The following DNAH5 variants were observed in gnomAD, a reference collection of about 807,000 sequenced individuals.
DNAH5 encodes the protein dynein axonemal heavy chain 5.
DNAH5 carries 372 observed loss-of-function variants against 518.2 expected under a neutral mutation model. That is an observed-to-expected ratio of 0.72 (90% CI 0.66 to 0.78). The LOEUF (loss-of-function observed/expected upper bound fraction) is 0.78, where lower values mean the gene tolerates loss of function less well. Among genes scored for constraint, DNAH5 ranks in the 30% least tolerant of loss-of-function variants. The pLI is 0.00. For synonymous variants in DNAH5, 2,039 were observed against 2,025.9 expected (o/e 1.01, Z -0.17); for missense variants, 5,523 against 5,687.0 (o/e 0.97, Z 0.93).
chr5:13,788,683 TG>T (rs2126881664), intron 51 of DNAH5, 32 bp downstream of exon 51: 3 of 1,573,486 alleles, frequency 1.9e-6, no homozygotes, highest in Non-Finnish European at 2.6e-6. Context: ...GAACACCTTT[TG>T]GGGAATTCCA....
At chr5:13,900,528 C>T in intron 14 of DNAH5, 116 bp from the exon 15 acceptor site, 1 of 884,524 alleles carries the variant, frequency 1.1e-6, no homozygotes, top group Non-Finnish European at 1.8e-6. Context: ...TTTGAGCTTC[C>T]TAAATTAAGG....
chr5:13,789,979 G>A (rs1756695288), intron 50 of DNAH5, among the ~76,000 whole-genome samples: 1 of 152,122 alleles, frequency 6.6e-6, no homozygotes, highest in Non-Finnish European at 1.5e-5. Flanking sequence ...TTAGAGAAAT[G>A]CAAATCAAAA....
chr5:13,963,163 G>A (rs1781298478), intron 1 of DNAH5, among the ~76,000 whole-genome samples: 1 of 152,068 alleles, frequency 6.6e-6, no homozygotes, highest in Non-Finnish European at 1.5e-5. Context: ...CTTCTTGCCA[G>A]AATAATTTCA....
rs780718067 is a variant in DNAH5 at position 13,717,398 on chromosome 5, T to G, written c.12622A>C (p.Ile4208Leu). 39 of 1,613,928 alleles carry G rather than the reference T, an allele frequency of 2.4e-5. No individual in the cohort carries two copies. The highest frequency in any genetic ancestry group is 3.3e-5 in the Non-Finnish European group (39 of 1,180,008). ...RRKFGALGWN[I>L]PYEFNQADFN... ...TCCGCTTGGTTAAATTCGTAGGGGA[T>G]ATTCCACCCCAGGGCACCGAACTTG... Residue 4208 changes from isoleucine to leucine, a missense_variant, in exon 73 of 79, where the codon ATC becomes CTC. This residue lies in a region of DNAH5 where 5,121 missense variants were observed against 5,223.3 expected (regional missense o/e 0.98). Coordinates refer to ENST00000265104, the MANE Select transcript of DNAH5 (RefSeq NM_001369.3).
intron 47 of DNAH5, among the ~76,000 whole-genome samples, 187 bp from the exon 48 acceptor site, chr5:13,794,245 T>G (rs1673399935): frequency 6.6e-6 from 1 of 152,222 alleles, no homozygotes; most frequent in Non-Finnish European, 1.5e-5. Context: ...TTCACAAAAT[T>G]TGAAAATCCA....
At position 13,751,226 on chromosome 5, in the gene DNAH5, T is replaced by A. The variant is rs878854454; in HGVS notation, c.11063A>T (p.Asp3688Val). The A allele has an allele frequency of 6.2e-7, 1 of 1,613,824 alleles. No individual in the cohort carries two copies. Among genetic ancestry groups the A allele is most frequent in the African/African-American group, 1.3e-5 (1 of 75,018 alleles). ...KVGDKEVDVL[D>V]GFRLYITTKL... ...GGTGGTAATGTAGAGTCTAAAGCCA[T>A]CCAACACATCTACTTCCTTGTCACC... Residue 3688 changes from aspartate to valine, a missense_variant, in exon 65 of 79, where the codon GAT becomes GTT. This residue lies in a region of DNAH5 where 5,121 missense variants were observed against 5,223.3 expected (regional missense o/e 0.98). Transcript: ENST00000265104.
chr5:13,715,531 T>C (rs2126498688), intron 74 of DNAH5, among the ~76,000 whole-genome samples: 1 of 152,348 alleles, frequency 6.6e-6, no homozygotes, highest in African/African-American at 2.4e-5. Flanking sequence ...CGGTAATATA[T>C]GATAAACTCA....
chr5:13,847,730 A>G (rs963464780), intron 31 of DNAH5, among the ~76,000 whole-genome samples: 1 of 151,986 alleles, frequency 6.6e-6, no homozygotes, highest in Non-Finnish European at 1.5e-5. Context: ...TCTCAAAAAA[A>G]AAAAAAGGAG....
intron 50 of DNAH5, among the ~76,000 whole-genome samples, chr5:13,791,543 G>C (rs1314438533): frequency 1.3e-5 from 2 of 152,106 alleles, no homozygotes; most frequent in Non-Finnish European, 2.9e-5. Context: ...AAAAATCATA[G>C]ATGATTATCA....
chr5:13,961,167 TTTCTGTATA>T (rs1225249351), intron 1 of DNAH5, among the ~76,000 whole-genome samples: 1 of 152,186 alleles, frequency 6.6e-6, no homozygotes, highest in Non-Finnish European at 1.5e-5. Context: ...TTCCAGTTCT[TTTCTGTATA>T]TATTTAATAA....
intron 1 of DNAH5, among the ~76,000 whole-genome samples, chr5:14,007,040 C>T (rs1023612226): frequency 6.6e-6 from 1 of 152,184 alleles, no homozygotes; most frequent in Non-Finnish European, 1.5e-5. Context: ...GCCCTCCACG[C>T]CCTCTCCATA....
rs146789129 is a variant in DNAH5 at position 13,701,261 on chromosome 5, C to T, written c.13491+23G>A. On this transcript the variant is annotated intron_variant, in intron 77 of 78. Transcript: ENST00000265104. The stretch of plus-strand genomic sequence containing the variant: ...GTGGAGGAAAATTATAATAACGCAA[C>T]GGGTGCAAATCAGAGCTCTTACCTG... 84 of 1,613,720 alleles carry T rather than the reference C, an allele frequency of 5.2e-5. No homozygotes were observed. In the Middle Eastern group the frequency reaches 1.7e-3, roughly 32 times the overall value.
intron 37 of DNAH5, 128 bp from the exon 38 acceptor site, chr5:13,829,832 A>G: frequency 8.9e-7 from 1 of 1,122,316 alleles, no homozygotes; most frequent in Non-Finnish European, 1.3e-6. Context: ...ACGTATCTCA[A>G]TCTCGTTTTA....
intron 40 of DNAH5, among the ~76,000 whole-genome samples, chr5:13,822,031 G>A (rs1867679): frequency 0.41 from 62,703 of 151,822 alleles, 13,270 homozygotes; most frequent in East Asian, 0.61. Flanking sequence ...ATCCCCCAAC[G>A]TTGGCCTATC....
chr5:14,003,324 T>C (rs201302323), intron 1 of DNAH5, among the ~76,000 whole-genome samples: 238 of 152,356 alleles, frequency 1.6e-3, no homozygotes, highest in African/African-American at 5.4e-3. Flanking sequence ...TTTCTTGTTT[T>C]TTGATAGTGA....
In DNAH5 at chr5:13,776,557, C is replaced by T. The variant is rs1398975617; in HGVS notation, c.9255G>A (p.Val3085=). ...TCTCCCCCACTGGCGAGAAGCAGAG[C>T]ACAATATGAAGGTTCTGTCGGACCC... The part of the protein sequence containing the change: ...MSRVRQNLHI[V]LCFSPVGEKF... The change falls in exon 55 of 79, where the codon GTG becomes GTA. Residue 3085 remains valine (V), a synonymous_variant. Coordinates refer to ENST00000265104, the MANE Select transcript of DNAH5 (RefSeq NM_001369.3). 2 of 1,613,804 alleles carry T rather than the reference C, an allele frequency of 1.2e-6. No individual in the cohort carries two copies. The highest frequency in any genetic ancestry group is 1.7e-5 in the Admixed American group (1 of 59,958).
intron 47 of DNAH5, among the ~76,000 whole-genome samples, chr5:13,807,157 T>C (rs1232472757): frequency 6.6e-6 from 1 of 152,154 alleles, no homozygotes; most frequent in Non-Finnish European, 1.5e-5. Flanking sequence ...TTTGGTACTG[T>C]AACAGCCTTT....
At chr5:13,982,786 T>G (rs189123232) in intron 1 of DNAH5, among the ~76,000 whole-genome samples, 5 of 152,274 alleles carry the variant, frequency 3.3e-5, no homozygotes, top group Non-Finnish European at 5.9e-5. Flanking sequence ...TCTGCCTTTT[T>G]GCAAGAGGCA....
chr5:13,830,825 ACTT>A, intron 35 of DNAH5, 50 bp from the exon 36 acceptor site: 2 of 1,576,978 alleles, frequency 1.3e-6, no homozygotes. Flanking sequence ...ACCTGGAAAT[ACTT>A]CTGAGACATC....
Sources: gnomAD v4.1 joint callset for allele counts (sites outside exome capture counted in the v4.1 genomes callset) on GRCh38, gnomAD v4.1.1 for gene constraint, gnomAD v4.1.1 regional missense constraint, MANE v1.5 for transcripts, NCBI Gene and HGNC (gene_info 2026-07-23, HGNC 2026-07-21) for gene names.